SH3RF2: variants seen among roughly 807,000 people sequenced by gnomAD.
SH3RF2 encodes the protein SH3 domain containing ring finger 2.
In SH3RF2, 43 loss-of-function variants were observed where a neutral mutation model predicts 59.0. The ratio of observed to expected loss-of-function variants is 0.73; its 90% CI spans 0.57 to 0.94. The LOEUF (loss-of-function observed/expected upper bound fraction) is 0.94. SH3RF2 is among the 40% of genes least tolerant of loss of function. SH3RF2 has a pLI of 0.00. For missense variants in SH3RF2, 930 were observed against 940.1 expected, an observed-to-expected ratio of 0.99 and a Z score of 0.14; for synonymous variants, 391 against 391.5, an observed-to-expected ratio of 1.00 and a Z score of 0.01.
At chr5:146,019,752 TG>T (rs1388302562) in intron 5 of SH3RF2, among the ~76,000 whole-genome samples, 2 of 152,252 alleles carry the variant, frequency 1.3e-5, no homozygotes, top group Non-Finnish European at 2.9e-5. Flanking sequence ...TATTTCCATT[TG>T]TTTGTGTCAT....
At chr5:145,947,830 T>G (rs1489544164) in intron 2 of SH3RF2, among the ~76,000 whole-genome samples, 1 of 152,190 alleles carries the variant, frequency 6.6e-6, no homozygotes, top group East Asian at 1.9e-4. Context: ...AGAGACAGGA[T>G]CCATGTCCTC....
At chr5:146,025,182 T>C (rs1248808750) in intron 5 of SH3RF2, among the ~76,000 whole-genome samples, 1 of 152,238 alleles carries the variant, frequency 6.6e-6, no homozygotes, top group African/African-American at 2.4e-5. Flanking sequence ...AAGTTCATAT[T>C]CTTAACCTCT....
At chr5:146,005,080 C>A (rs1760589065) in intron 4 of SH3RF2, among the ~76,000 whole-genome samples, 1 of 152,030 alleles carries the variant, frequency 6.6e-6, no homozygotes, top group Admixed American at 6.6e-5. Flanking sequence ...AGATGCTTTT[C>A]ATTTTCTTCT....
At chr5:146,000,861 C>A (rs576217409) in intron 3 of SH3RF2, among the ~76,000 whole-genome samples, 1 of 152,134 alleles carries the variant, frequency 6.6e-6, no homozygotes, top group Non-Finnish European at 1.5e-5. Context: ...TGGGAAGCAC[C>A]GATACATGGA....
chr5:145,964,905 G>A (rs1248018242), intron 2 of SH3RF2, among the ~76,000 whole-genome samples: 3 of 152,062 alleles, frequency 2.0e-5, no homozygotes, highest in Non-Finnish European at 4.4e-5. Context: ...GCAAAAACTA[G>A]TAACTGTAGG....
At chr5:146,007,393 C>T (rs1760690882) in intron 4 of SH3RF2, among the ~76,000 whole-genome samples, 2 of 152,180 alleles carry the variant, frequency 1.3e-5, no homozygotes, top group South Asian at 4.1e-4. Context: ...GACAGCCCCA[C>T]TTCTTGATTT....
chr5:145,971,079 C>G (rs1179541731), intron 2 of SH3RF2, among the ~76,000 whole-genome samples: 1 of 152,126 alleles, frequency 6.6e-6, no homozygotes, highest in Non-Finnish European at 1.5e-5. Flanking sequence ...CTGGGTCTTC[C>G]CTGATCAGGG....
intron 8 of SH3RF2, 115 bp downstream of exon 8, chr5:146,056,328 G>A (rs1201724463): frequency 2.0e-6 from 3 of 1,469,592 alleles, no homozygotes; most frequent in Non-Finnish European, 2.8e-6. Context: ...CTAAGCCCCT[G>A]CAAAGGGTAT....
At chr5:146,038,936 T>A (rs1022821727) in intron 5 of SH3RF2, among the ~76,000 whole-genome samples, 1 of 152,234 alleles carries the variant, frequency 6.6e-6, no homozygotes, top group African/African-American at 2.4e-5. Flanking sequence ...ATTTCAAAGC[T>A]AATTAAGATG....
downstream of SH3RF2, among the ~76,000 whole-genome samples, chr5:146,064,872 A>AAGAAAGAAAGAG (rs1561773979): frequency 1.5e-5 from 2 of 134,266 alleles, no homozygotes; most frequent in Non-Finnish European, 3.3e-5. Flanking sequence ...AAGAGAAAGA[A>AAGAAAGAAAGAG]AAAGAAAAAG....
intron 7 of SH3RF2, among the ~76,000 whole-genome samples, chr5:146,052,020 T>C (rs1292473345): frequency 6.6e-6 from 1 of 152,024 alleles, no homozygotes; most frequent in Non-Finnish European, 1.5e-5. Flanking sequence ...GAACTGACAG[T>C]GAGGAGCAAG....
At chr5:146,008,997 T>C (rs1006264218) in intron 4 of SH3RF2, among the ~76,000 whole-genome samples, 1 of 152,260 alleles carries the variant, frequency 6.6e-6, no homozygotes, top group Admixed American at 6.5e-5. Context: ...TATTCCATTG[T>C]ATAGATGTGC....
chr5:146,049,359 G>C, intron 7 of SH3RF2, 114 bp downstream of exon 7: 1 of 1,255,606 alleles, frequency 8.0e-7, no homozygotes, highest in South Asian at 1.5e-5. Flanking sequence ...GGCCAAGAAA[G>C]CGCTTTTTGC....
rs191610722 is a variant in SH3RF2, at chr5:145,997,369, A to T, written c.379-2689A>T. The T allele has an allele frequency of 4.7e-4, 570 of 1,200,554 alleles. 3 individuals are homozygous for T. The Middle Eastern group carries it at 5.5e-3, about 12-fold the overall frequency. The allele number at this position is 1,200,554 out of a possible 1,614,324, so 74.4% of individuals were successfully genotyped here. On this transcript the variant is annotated intron_variant, in intron 2 of 9. Coordinates refer to ENST00000359120, the MANE Select transcript of SH3RF2 (RefSeq NM_152550.4). Reference sequence around the variant, plus strand: ...CCGCTCCAGTCTAAATATGTTGAAGAGCAGCCTGGTCATTTATAAATGGGC... The same window carrying T: ...CCGCTCCAGTCTAAATATGTTGAAGTGCAGCCTGGTCATTTATAAATGGGC...
chr5:146,055,134 CA>C (rs2150018909), intron 7 of SH3RF2, among the ~76,000 whole-genome samples: 1 of 152,296 alleles, frequency 6.6e-6, no homozygotes, highest in East Asian at 1.9e-4. Context: ...CTTATGGAGG[CA>C]TGTGTAGGGC....
intron 2 of SH3RF2, among the ~76,000 whole-genome samples, chr5:145,957,346 T>C (rs1201100497): frequency 6.6e-6 from 1 of 152,158 alleles, no homozygotes; most frequent in Non-Finnish European, 1.5e-5. Context: ...AATTCTGGTC[T>C]TCTGGGTGGG....
chr5:146,003,122 G>C (rs1439214911), intron 3 of SH3RF2, among the ~76,000 whole-genome samples: 1 of 152,170 alleles, frequency 6.6e-6, no homozygotes, highest in South Asian at 2.1e-4. Flanking sequence ...CTTGATGAAT[G>C]GTTTATGGAC....
intron 5 of SH3RF2, among the ~76,000 whole-genome samples, chr5:146,041,855 C>T (rs114154359): frequency 0.013 from 2,011 of 152,172 alleles, 42 homozygotes; most frequent in African/African-American, 0.046. Context: ...CGATTGAACC[C>T]GGGAGGTTGA....
intron 2 of SH3RF2, among the ~76,000 whole-genome samples, chr5:145,939,872 A>G (rs1160287967): frequency 1.3e-5 from 2 of 152,008 alleles, no homozygotes; most frequent in Non-Finnish European, 2.9e-5. Context: ...ATCATCACTT[A>G]CTCAGGAAAC....
Sources: allele counts gnomAD v4.1 joint callset (sites outside exome capture counted in the v4.1 genomes callset), GRCh38; gene constraint gnomAD v4.1.1; transcripts MANE v1.5; gene names NCBI Gene and HGNC (gene_info 2026-07-23, HGNC 2026-07-21).